Variants in SIM2 observed in about 807,000 individuals in gnomAD.
The protein encoded by SIM2 is single-minded homolog 2.
In SIM2, 28 loss-of-function variants were observed where a neutral mutation model predicts 64.8. The observed-to-expected ratio is 0.43, with a 90% CI of 0.32 to 0.59. The LOEUF is 0.59. Among genes scored for constraint, SIM2 ranks in the 20% least tolerant of loss-of-function variants. The pLI is 0.07. For synonymous variants in SIM2, 408 were observed against 391.1 expected (o/e 1.04, Z -0.51); for missense variants, 847 against 871.4 (o/e 0.97, Z 0.35).
Position 36,748,174 on chromosome 21 carries a change from T to A in SIM2, c.*82T>A. The A allele has an allele frequency of 3.4e-6, 2 of 582,516 alleles. No individual in the cohort carries two copies. Among genetic ancestry groups the A allele is most frequent in the Non-Finnish European group, 4.5e-6 (2 of 442,596 alleles). The allele number at this position is 582,516 out of a possible 1,614,324, so 36.1% of individuals were successfully genotyped here. On this transcript the variant is annotated 3_prime_UTR_variant, in exon 11 of 11. Transcript: ENST00000290399. ...CCGAGCCCGGCAAATGCGCACGACC[T>A]ACATTAATTTATGCAGAGACAGCTG...
At chr21:36,737,848 C>G (rs986437001) in intron 7 of SIM2, among the ~76,000 whole-genome samples, 1 of 150,082 alleles carries the variant, frequency 6.7e-6, no homozygotes, top group Non-Finnish European at 1.5e-5. Flanking sequence ...GTAATCCCAG[C>G]TATTCAGGAG....
At position 36,748,104 on chromosome 21, in the gene SIM2, C is replaced by A. The variant is rs978402280; in HGVS notation, c.*12C>A. 5 of 1,198,696 alleles carry A rather than the reference C, an allele frequency of 4.2e-6. No homozygotes were observed. In the African/African-American group the frequency reaches 7.9e-5, roughly 19 times the overall value. 74.3% of individuals were successfully genotyped at this position (1,198,696 alleles called of 1,614,324 possible). On this transcript the variant is annotated 3_prime_UTR_variant, in exon 11 of 11. Coordinates refer to ENST00000290399, the MANE Select transcript of SIM2 (RefSeq NM_005069.6). ...CCAACGGGAGGTGACCCGCTGGCCG[C>A]CCGCGCCAGGAGCCTGGACCCGGCC...
At chr21:36,709,611 A>C (rs1005298919) in intron 2 of SIM2, 3 of 403,300 alleles carry the variant, frequency 7.4e-6, no homozygotes, top group African/African-American at 2.1e-5. Context: ...CCAGGGCTGG[A>C]GCAGCAGAAA....
chr21:36,731,103 C>T lies in SIM2; in HGVS notation c.802C>T (p.His268Tyr), dbSNP rs2088961691. The change falls in exon 7 of 11, where the codon CAC becomes TAC. Residue 268 changes from histidine (H) to tyrosine (Y), a missense_variant. Around this residue, in one of 3 missense-constraint regions of SIM2, gnomAD observed 397 missense variants for 439.2 expected, o/e 0.90. Coordinates refer to ENST00000290399, the MANE Select transcript of SIM2 (RefSeq NM_005069.6). ...CCTGATCGAGAAGACCCTATACCATCACGTGCACGGCTGCGACGTGTTCCA... is the reference window on the plus strand; with the variant it reads ...CCTGATCGAGAAGACCCTATACCATTACGTGCACGGCTGCGACGTGTTCCA... The part of the protein sequence containing the change: ...QDLIEKTLYH[H>Y]VHGCDVFHLR... 6.2e-7 allele frequency: 1 copy of T among 1,613,986 alleles called. No homozygotes were observed. Among genetic ancestry groups the T allele is most frequent in the African/African-American group, 1.3e-5 (1 of 74,936 alleles).
rs539426643 is a variant in SIM2 at position 36,709,161 on chromosome 21, C to T, written c.176-7C>T. ...AGTTTACCGATTTGCTTTCGTCCCT[C>T]GTCCAGGTTTAGGAGACGCGTGGGG... On this transcript the variant is annotated splice_polypyrimidine_tract_variant and splice_region_variant and intron_variant, in intron 1 of 10. Transcript: ENST00000290399. The T allele has an allele frequency of 6.2e-6, 10 of 1,606,044 alleles. No individual in the cohort carries two copies. Among genetic ancestry groups the T allele is most frequent in the Admixed American group, 3.4e-5 (2 of 59,096 alleles).
At chr21:36,703,327 C>T (rs116903888) in intron 1 of SIM2, among the ~76,000 whole-genome samples, 2,125 of 152,260 alleles carry the variant, frequency 0.014, 33 homozygotes, top group Middle Eastern at 0.027. Context: ...TGTCATGCAG[C>T]GCTACTCGGC....
In SIM2 at chr21:36,748,939, T is replaced by C. The variant is rs1424593908; in HGVS notation, c.*847T>C. Reference sequence around the variant, plus strand: ...TGGCCCACACAGATCTGTAATTCACTAGGCTCGTGTTTGCTACAAATAGTG... The same window carrying C: ...TGGCCCACACAGATCTGTAATTCACCAGGCTCGTGTTTGCTACAAATAGTG... On this transcript the variant is annotated 3_prime_UTR_variant, in exon 11 of 11. Transcript: ENST00000290399. 1 of 152,648 alleles carries C rather than the reference T, an allele frequency of 6.6e-6. No individual in the cohort carries two copies. Among genetic ancestry groups the C allele is most frequent in the African/African-American group, 2.4e-5 (1 of 41,466 alleles). 9.5% of individuals were successfully genotyped at this position (152,648 alleles called of 1,614,324 possible). A position where few individuals can be genotyped will look rare whatever the true frequency, so the allele number is the denominator to read the frequency against.
chr21:36,737,301 G>T (rs566742849), intron 7 of SIM2, among the ~76,000 whole-genome samples: 31 of 152,160 alleles, frequency 2.0e-4, no homozygotes, highest in African/African-American at 7.0e-4. Flanking sequence ...CCCACCCCAC[G>T]CCTCACCCAC....
chr21:36,741,155 G>A (rs1334237941), intron 7 of SIM2, among the ~76,000 whole-genome samples: 1 of 152,202 alleles, frequency 6.6e-6, no homozygotes, highest in East Asian at 1.9e-4. Flanking sequence ...AAACAACATA[G>A]CAAATTAATG....
chr21:36,732,858 G>C (rs187204411), intron 7 of SIM2, among the ~76,000 whole-genome samples: 4 of 152,222 alleles, frequency 2.6e-5, no homozygotes, highest in Non-Finnish European at 4.4e-5. Flanking sequence ...TTGATCAGGC[G>C]GGTGTGAAGA....
intron 7 of SIM2, among the ~76,000 whole-genome samples, chr21:36,739,607 A>C (rs2089127583): frequency 6.6e-6 from 1 of 152,146 alleles, no homozygotes; most frequent in African/African-American, 2.4e-5. Flanking sequence ...CTGTGTTTGC[A>C]CACACAGACC....
At chr21:36,723,972 C>T in intron 5 of SIM2, among the ~76,000 whole-genome samples, 1 of 152,232 alleles carries the variant, frequency 6.6e-6, no homozygotes, top group East Asian at 1.9e-4. Context: ...CCTCAGAGGA[C>T]AGACATCATA....
chr21:36,747,861 G>A lies in SIM2; in HGVS notation c.1773G>A (p.Ala591=), dbSNP rs1016119423. 1.8e-5 allele frequency: 19 copies of A among 1,042,864 alleles called. No homozygotes were observed. The African/African-American group carries it at 3.0e-4, about 16-fold the overall frequency. 64.6% of individuals were successfully genotyped at this position (1,042,864 alleles called of 1,614,324 possible). A position where few individuals can be genotyped will look rare whatever the true frequency, so the allele number is the denominator to read the frequency against. ...CAPPTPEAPG[A]PAQLPFVLLN... is the part of the protein sequence containing the mutation. ...CCCCGACCCCCGAGGCCCCGGGCGC[G>A]CCGGCGCAGCTGCCCTTCGTGCTGC... is the stretch of plus-strand genomic sequence containing the variant. Residue 591 remains alanine, a synonymous_variant, in exon 11 of 11, where the codon GCG becomes GCA. Coordinates refer to ENST00000290399, the MANE Select transcript of SIM2 (RefSeq NM_005069.6). The surrounding 1 kb of genome is among the most constrained non-coding windows in gnomAD (Gnocchi z 4.5).
rs776912680 is a variant in SIM2, at chr21:36,731,052, G to A, written c.751G>A (p.Glu251Lys). The A allele has an allele frequency of 3.9e-5, 63 of 1,613,632 alleles. No homozygotes were observed. The highest frequency in any genetic ancestry group is 3.1e-4 in the East Asian group (14 of 44,894). Reference protein sequence around the residue: ...KLIFLDSRVTEVTGYEPQDLI... With the variant: ...KLIFLDSRVTKVTGYEPQDLI... ...GCTGCCATGCCCCCACAGGGTGACC[G>A]AGGTGACGGGGTACGAGCCGCAGGA... is the stretch of plus-strand genomic sequence containing the variant. Residue 251 changes from glutamate to lysine, a missense_variant, in exon 7 of 11, where the codon GAG becomes AAG. Physicochemically the swap from Glu to Lys is moderately conservative, Grantham distance 56. Transcript: ENST00000290399.
rs151084463 is a variant in SIM2, at chr21:36,703,711, C to T, written c.175+3790C>T. ...TCTTGGAGGGTGGTTAAGATAAGCT[C>T]GGGGCTGGGGCAGCGCTGAGGTCTG... On this transcript the variant is annotated intron_variant, in intron 1 of 10. Coordinates refer to ENST00000290399, the MANE Select transcript of SIM2 (RefSeq NM_005069.6). Among the ~76,000 whole-genome samples the T allele has an allele frequency of 7.5e-3, 1,135 of 152,288 alleles. 16 individuals are homozygous for T. The highest frequency in any genetic ancestry group is 7.9e-3 in the Non-Finnish European group (535 of 68,014).
chr21:36,744,745 A>C lies in SIM2; in HGVS notation c.1185A>C (p.Gln395His). Residue 395 changes from glutamine (Q) to histidine (H), a missense_variant, in exon 10 of 11, where the codon CAA (glutamine) becomes CAC (histidine). Transcript: ENST00000290399. ...PYPPQQYSSF[Q>H]MDKLECGQLG... ...CCATGCAGCAATACAGCTCGTTCCA[A>C]ATGGACAAACTGGAATGCGGCCAGC... is the stretch of plus-strand genomic sequence containing the variant. The C allele has an allele frequency of 6.2e-7, 1 of 1,606,752 alleles. No homozygotes were observed. The highest frequency in any genetic ancestry group is 8.5e-7 in the Non-Finnish European group (1 of 1,176,464).
chr21:36,707,052 T>A (rs1317254698), intron 1 of SIM2, among the ~76,000 whole-genome samples: 2 of 152,118 alleles, frequency 1.3e-5, no homozygotes, highest in Non-Finnish European at 2.9e-5. Context: ...TCTCCCCAAG[T>A]CTTCCCGCCA....
chr21:36,712,740 A>G (rs2088694322), intron 3 of SIM2, 118 bp downstream of exon 3: 2 of 654,104 alleles, frequency 3.1e-6, no homozygotes, highest in East Asian at 5.4e-5. Context: ...GTGTAAGAAC[A>G]TAACCCTAAA....
Position 36,724,081 on chromosome 21 carries a change from C to G in SIM2, c.543+951C>G, listed in dbSNP as rs186184118. On this transcript the variant is annotated intron_variant, in intron 5 of 10. Transcript: ENST00000290399. ...GAGGATGGGGTGAGAGGAAAGGGCA[C>G]TTTTGTGCCTTTGTCCTCTCTTTCT... is the stretch of plus-strand genomic sequence containing the variant. 7.9e-3 allele frequency among the ~76,000 whole-genome samples: 1,204 copies of G among 152,370 alleles called. 17 individuals carry two copies. Among genetic ancestry groups the G allele is most frequent in the Non-Finnish European group, 0.01 (686 of 68,042 alleles).
Sources: allele counts gnomAD v4.1 joint callset (sites outside exome capture counted in the v4.1 genomes callset), GRCh38; gene constraint gnomAD v4.1.1; regional missense constraint gnomAD v4.1.1; non-coding constraint Gnocchi (gnomAD v3.1); transcripts MANE v1.5; gene names NCBI Gene and HGNC (gene_info 2026-07-23, HGNC 2026-07-21).